DGKB: variants seen among roughly 807,000 people sequenced by gnomAD.
The protein encoded by DGKB is diacylglycerol kinase beta.
Under a neutral mutation model 114.3 loss-of-function variants are expected in DGKB, and 67 were observed. The observed-to-expected ratio is 0.59, with a 90% CI of 0.48 to 0.72. The LOEUF is 0.72. Ranked by LOEUF, DGKB falls within the 30% of genes least tolerant of loss-of-function variation. DGKB has a pLI of 0.00. For synonymous variants in DGKB, 398 were observed against 323.1 expected (o/e 1.23, Z -2.49); for missense variants, 907 against 975.2 (o/e 0.93, Z 0.93).
intron 21 of DGKB, among the ~76,000 whole-genome samples, chr7:14,359,257 C>A (rs1389559939): frequency 6.6e-6 from 1 of 152,136 alleles, no homozygotes; most frequent in East Asian, 1.9e-4. Context: ...GGAAAACTGG[C>A]TAGCCATATG....
chr7:14,364,990 C>T (rs895701792), intron 21 of DGKB, among the ~76,000 whole-genome samples: 1 of 151,968 alleles, frequency 6.6e-6, no homozygotes, highest in Non-Finnish European at 1.5e-5. Flanking sequence ...CATTATGACA[C>T]TGGCTGTAAA....
chr7:14,747,548 A>G (rs1266019870), intron 4 of DGKB, among the ~76,000 whole-genome samples: 1 of 151,992 alleles, frequency 6.6e-6, no homozygotes, highest in Non-Finnish European at 1.5e-5. Context: ...TCATCTGTAC[A>G]TTTTCCTTAG....
chr7:14,843,062 G>T (rs2128141311), intron 1 of DGKB, among the ~76,000 whole-genome samples: 1 of 152,036 alleles, frequency 6.6e-6, no homozygotes, highest in East Asian at 1.9e-4. Flanking sequence ...ACATTAGTTG[G>T]ATGTAGTGGT....
chr7:14,722,528 G>C (rs1289067388), intron 5 of DGKB, among the ~76,000 whole-genome samples: 1 of 152,026 alleles, frequency 6.6e-6, no homozygotes, highest in African/African-American at 2.4e-5. Context: ...TAATAAAAAA[G>C]CTTGGCCAGG....
chr7:14,825,016 GTATATATATATATATATATATA>G (rs67135250), intron 2 of DGKB, among the ~76,000 whole-genome samples: 59 of 92,412 alleles, frequency 6.4e-4, no homozygotes, highest in South Asian at 1.2e-3. Flanking sequence ...GTATGTGTAT[GTATATATATATATATATATATA>G]TATATATATA....
chr7:14,723,474 G>T (rs1037425153), intron 5 of DGKB, among the ~76,000 whole-genome samples: 1 of 152,056 alleles, frequency 6.6e-6, no homozygotes, highest in Admixed American at 6.5e-5. Flanking sequence ...GACACTTAAA[G>T]TAGTATAATC....
chr7:14,303,295 C>T (rs367678830), intron 23 of DGKB, among the ~76,000 whole-genome samples: 2 of 152,032 alleles, frequency 1.3e-5, no homozygotes, highest in South Asian at 2.1e-4. Context: ...ATTACATATG[C>T]CATTTTAGAA....
intron 13 of DGKB, among the ~76,000 whole-genome samples, chr7:14,657,214 C>A (rs1816025691): frequency 6.6e-6 from 1 of 151,686 alleles, no homozygotes; most frequent in African/African-American, 2.4e-5. Flanking sequence ...AATATTATAG[C>A]ACCCTAGTTC....
intron 6 of DGKB, among the ~76,000 whole-genome samples, chr7:14,717,552 T>C (rs181822280): frequency 1.3e-5 from 2 of 152,262 alleles, no homozygotes; most frequent in Admixed American, 1.3e-4. Context: ...TGTGTGACTC[T>C]TAAATAATCA....
At chr7:14,275,263 A>T (rs1214288777) in intron 23 of DGKB, among the ~76,000 whole-genome samples, 3 of 152,158 alleles carry the variant, frequency 2.0e-5, no homozygotes, top group African/African-American at 7.2e-5. Flanking sequence ...CATATTTCAT[A>T]CATCTTTATA....
intron 1 of DGKB, among the ~76,000 whole-genome samples, chr7:14,913,198 T>G (rs1405824414): frequency 6.6e-6 from 1 of 151,924 alleles, no homozygotes; most frequent in Non-Finnish European, 1.5e-5. Context: ...CGATGTGACC[T>G]TTTCCTTGCT....
chr7:14,441,188 T>G (rs1176015586), intron 21 of DGKB, among the ~76,000 whole-genome samples: 3 of 152,004 alleles, frequency 2.0e-5, no homozygotes, highest in Non-Finnish European at 4.4e-5. Context: ...TTTTGTATTT[T>G]TAGTAGAGGC....
At chr7:14,766,690 G>A (rs192435737) in intron 2 of DGKB, among the ~76,000 whole-genome samples, 1 of 151,904 alleles carries the variant, frequency 6.6e-6, no homozygotes, top group Non-Finnish European at 1.5e-5. Flanking sequence ...TATTTAACTG[G>A]ATGACATCAC....
chr7:14,683,835 T>C (rs1446271104), intron 10 of DGKB, among the ~76,000 whole-genome samples: 1 of 152,084 alleles, frequency 6.6e-6, no homozygotes, highest in Non-Finnish European at 1.5e-5. Context: ...ATGTTTTCTC[T>C]TCTCCTCCGT....
At chr7:14,803,516 G>A (rs1177230573) in intron 2 of DGKB, among the ~76,000 whole-genome samples, 1 of 152,160 alleles carries the variant, frequency 6.6e-6, no homozygotes, top group South Asian at 2.1e-4. Context: ...TTAATTGTAT[G>A]TTTCTCATTT....
At chr7:14,535,310 A>C (rs1425089247) in intron 20 of DGKB, among the ~76,000 whole-genome samples, 1 of 151,666 alleles carries the variant, frequency 6.6e-6, no homozygotes, top group Non-Finnish European at 1.5e-5. Context: ...TCAAGGCAGT[A>C]GCAAGCTATG....
rs1554454948 is a variant in DGKB at position 14,471,188 on chromosome 7, C to CACAT, written c.1835+6972_1835+6973insATGT. On this transcript the variant is annotated intron_variant, in intron 21 of 25. Transcript: ENST00000402815. ...TATATATGGAATATATGTATATATACATATATGTATGGAATATATGTATAT... is the reference window on the plus strand; with the variant it reads ...TATATATGGAATATATGTATATATACACATATATATGTATGGAATATATGTATAT... 1.2e-4 allele frequency among the ~76,000 whole-genome samples: 7 copies of CACAT among 59,426 alleles called. 1 individual carries two copies. The highest frequency in any genetic ancestry group is 5.4e-4 in the East Asian group (1 of 1,836). 39.0% of individuals were successfully genotyped at this position (59,426 alleles called of 152,430 possible). A position where few individuals can be genotyped will look rare whatever the true frequency, so the allele number is the denominator to read the frequency against.
intron 1 of DGKB, among the ~76,000 whole-genome samples, chr7:14,900,942 ATTC>A (rs1304275322): frequency 6.6e-6 from 1 of 152,130 alleles, no homozygotes; most frequent in Non-Finnish European, 1.5e-5. Flanking sequence ...CTCCAACCAT[ATTC>A]TTCTATTCTT....
At chr7:14,216,679 T>C (rs1415515292) in intron 23 of DGKB, among the ~76,000 whole-genome samples, 1 of 141,202 alleles carries the variant, frequency 7.1e-6, no homozygotes, top group Non-Finnish European at 1.5e-5. Flanking sequence ...TGAACCGAGA[T>C]TGAAACATTA....
Sources: allele counts gnomAD v4.1 joint callset (sites outside exome capture counted in the v4.1 genomes callset), GRCh38; gene constraint gnomAD v4.1.1; transcripts MANE v1.5; gene names NCBI Gene and HGNC (gene_info 2026-07-23, HGNC 2026-07-21).